KDM4C: variants seen among roughly 807,000 people sequenced by gnomAD.
KDM4C encodes the protein lysine-specific demethylase 4C.
A neutral mutation model predicts 129.3 loss-of-function variants in KDM4C; 81 were observed. The observed-to-expected ratio is 0.63, with a 90% CI of 0.52 to 0.75. KDM4C has a LOEUF of 0.75. Ranked by LOEUF, KDM4C falls within the 30% of genes least tolerant of loss-of-function variation. KDM4C has a pLI of 0.00. For synonymous variants in KDM4C, 573 were observed against 456.1 expected (o/e 1.26, Z -3.26); for missense variants, 1,457 against 1,304.0 (o/e 1.12, Z -1.81).
At chr9:6,921,883 G>A (rs541768016) in intron 8 of KDM4C, among the ~76,000 whole-genome samples, 1 of 152,150 alleles carries the variant, frequency 6.6e-6, no homozygotes, top group South Asian at 2.1e-4. Flanking sequence ...GGTCCCCCAG[G>A]TTCCATGATC....
At chr9:7,028,220 C>T (rs780736696) in intron 15 of KDM4C, among the ~76,000 whole-genome samples, 12 of 151,962 alleles carry the variant, frequency 7.9e-5, no homozygotes, top group Non-Finnish European at 1.5e-4. Context: ...TAGCAAGTCT[C>T]GGAGTCTCAC....
intron 17 of KDM4C, among the ~76,000 whole-genome samples, chr9:7,074,168 T>A (rs1042554697): frequency 6.6e-6 from 1 of 152,150 alleles, no homozygotes; most frequent in Non-Finnish European, 1.5e-5. Context: ...AGCAAATTTT[T>A]TTTTTTTCTT....
intron 8 of KDM4C, among the ~76,000 whole-genome samples, chr9:6,963,830 G>A (rs77674798): frequency 0.11 from 16,695 of 152,096 alleles, 1,461 homozygotes; most frequent in African/African-American, 0.24. Flanking sequence ...TGGTGTTTCC[G>A]CCACCCTGAC....
At chr9:7,141,636 C>G (rs146455537) in intron 19 of KDM4C, among the ~76,000 whole-genome samples, 11 of 152,122 alleles carry the variant, frequency 7.2e-5, no homozygotes, top group Non-Finnish European at 1.3e-4. Context: ...TAGGGAACTT[C>G]GGAAGAAGCC....
intron 3 of KDM4C, among the ~76,000 whole-genome samples, chr9:6,806,944 G>T (rs570246937): frequency 6.8e-6 from 1 of 147,830 alleles, no homozygotes; most frequent in Non-Finnish European, 1.5e-5. Context: ...TCCCTCTCAT[G>T]CGGAGCGGAA....
intron 1 of KDM4C, among the ~76,000 whole-genome samples, chr9:6,733,983 C>G (rs1588041799): frequency 6.6e-6 from 1 of 152,136 alleles, no homozygotes; most frequent in Non-Finnish European, 1.5e-5. Context: ...TTTACTGCAG[C>G]CTGTTTTATC....
intron 18 of KDM4C, among the ~76,000 whole-genome samples, chr9:7,116,888 C>G (rs945592170): frequency 3.9e-5 from 6 of 152,164 alleles, no homozygotes; most frequent in Admixed American, 1.3e-4. Flanking sequence ...TTGTCTCCCG[C>G]TCAAAATGAC....
chr9:7,082,095 C>T (rs141606580), intron 17 of KDM4C, among the ~76,000 whole-genome samples: 1 of 152,300 alleles, frequency 6.6e-6, no homozygotes, highest in East Asian at 1.9e-4. Flanking sequence ...AAACCACCTT[C>T]TCTAGAGATT....
At chr9:6,743,947 T>G (rs993045537) in intron 1 of KDM4C, among the ~76,000 whole-genome samples, 12 of 151,712 alleles carry the variant, frequency 7.9e-5, no homozygotes, top group African/African-American at 2.9e-4. Context: ...AAGGTCTCGC[T>G]ATGCTACCCA....
chr9:6,809,031 T>G (rs1191734489), intron 3 of KDM4C, among the ~76,000 whole-genome samples: 1 of 152,172 alleles, frequency 6.6e-6, no homozygotes, highest in Non-Finnish European at 1.5e-5. Flanking sequence ...TTGAATGAAT[T>G]TAGGTATCTT....
intron 19 of KDM4C, among the ~76,000 whole-genome samples, chr9:7,140,572 C>T (rs1300202123): frequency 6.6e-6 from 1 of 152,164 alleles, no homozygotes. Flanking sequence ...TCCTGCAGGG[C>T]TGGCCTTGAT....
At chr9:6,967,421 T>TAAAAAAAAAAAAAAAAAAAAAAA (rs35054106) in intron 8 of KDM4C, among the ~76,000 whole-genome samples, 1 of 124,994 alleles carries the variant, frequency 8.0e-6, no homozygotes, top group Non-Finnish European at 1.7e-5. Flanking sequence ...AAGCTTCCAC[T>TAAAAAAAAAAAAAAAAAAAAAAA]AAAAAAAAAA....
At chr9:7,038,845 T>A (rs1336376459) in intron 15 of KDM4C, among the ~76,000 whole-genome samples, 1 of 152,052 alleles carries the variant, frequency 6.6e-6, no homozygotes, top group Non-Finnish European at 1.5e-5. Flanking sequence ...CTTTTTCATT[T>A]TCTTTATTCT....
intron 8 of KDM4C, among the ~76,000 whole-genome samples, chr9:6,932,903 G>A (rs559359657): frequency 7.2e-5 from 11 of 152,290 alleles, no homozygotes; most frequent in African/African-American, 2.4e-4. Context: ...AGAGATTGAG[G>A]AACTCTGCAC....
At chr9:7,080,448 T>C (rs1267057887) in intron 17 of KDM4C, among the ~76,000 whole-genome samples, 1 of 152,214 alleles carries the variant, frequency 6.6e-6, no homozygotes, top group Non-Finnish European at 1.5e-5. Context: ...CATTGTATAG[T>C]TGGGACTGTC....
rs1405985183 is a variant in KDM4C at position 7,150,746 on chromosome 9, TTGTTA to T, written c.2782-14489_2782-14485del. Among the ~76,000 whole-genome samples, 3 of 152,204 alleles carry T rather than the reference TTGTTA, an allele frequency of 2.0e-5. No individual in the cohort carries two copies. The East Asian group carries it at 5.8e-4, about 29-fold the overall frequency. The stretch of plus-strand genomic sequence containing the variant: ...CAACCCTGTTTCTAGTTATTGGCGT[TTGTTA>T]TGCTTCCTCACTTCAAAGGAACCAG... On this transcript the variant is annotated intron_variant, in intron 19 of 21. Coordinates refer to ENST00000381309, the MANE Select transcript of KDM4C (RefSeq NM_015061.6).
At chr9:7,156,722 T>A (rs1388239170) in intron 19 of KDM4C, among the ~76,000 whole-genome samples, 1 of 152,246 alleles carries the variant, frequency 6.6e-6, no homozygotes, top group Non-Finnish European at 1.5e-5. Flanking sequence ...ATCTCTGTTT[T>A]GGTACCAGTA....
At chr9:6,890,809 G>C (rs1255020818) in intron 7 of KDM4C, among the ~76,000 whole-genome samples, 1 of 152,150 alleles carries the variant, frequency 6.6e-6, no homozygotes, top group African/African-American at 2.4e-5. Flanking sequence ...GGATAAGAAA[G>C]AAGCACCTAG....
At chr9:6,854,909 G>C (rs924557697) in intron 5 of KDM4C, among the ~76,000 whole-genome samples, 5 of 152,068 alleles carry the variant, frequency 3.3e-5, no homozygotes, top group Non-Finnish European at 7.4e-5. Flanking sequence ...GTGACCTTGG[G>C]CAATTATTAA....
Sources: allele counts gnomAD v4.1 joint callset (sites outside exome capture counted in the v4.1 genomes callset), GRCh38; gene constraint gnomAD v4.1.1; transcripts MANE v1.5; gene names NCBI Gene and HGNC (gene_info 2026-07-23, HGNC 2026-07-21).